Variants in PIERCE2 observed in about 807,000 individuals in gnomAD.
PIERCE2 encodes the protein piercer of microtubule wall 2, also known as piercer of microtubule wall 2 protein.
chr15:55,414,213 T>G, the PIERCE2 span, among the ~76,000 whole-genome samples: 11 of 150,962 alleles, frequency 7.3e-5, no homozygotes, highest in Non-Finnish European at 8.9e-5. Context: ...TTTTTTGTTT[T>G]TTTTTTTTTT....
At chr15:55,418,764 AAGGT>A in the PIERCE2 span, 1 of 476,288 alleles carries the variant, frequency 2.1e-6, no homozygotes, top group Non-Finnish European at 3.6e-6. Context: ...AGCAAAATAA[AAGGT>A]AGAAAGTGTT....
At chr15:55,412,628 G>A in the PIERCE2 span, among the ~76,000 whole-genome samples, 1 of 152,102 alleles carries the variant, frequency 6.6e-6, no homozygotes, top group Non-Finnish European at 1.5e-5. Context: ...CTGAAAGCTG[G>A]ACACTGTGGC....
the PIERCE2 span, chr15:55,411,258 G>C: frequency 6.6e-6 from 1 of 152,148 alleles, no homozygotes; most frequent in East Asian, 1.9e-4. Flanking sequence ...GAGGTCAGGA[G>C]TTTGGGAACA....
At chr15:55,409,290 A>G in the PIERCE2 span, among the ~76,000 whole-genome samples, 4 of 152,050 alleles carry the variant, frequency 2.6e-5, no homozygotes, top group African/African-American at 9.7e-5. Flanking sequence ...CTGTAATCCC[A>G]GCTACTTGGG....
chr15:55,408,725 ATGAAAAC>A, the PIERCE2 span: 1 of 1,478,326 alleles, frequency 6.8e-7, no homozygotes, highest in South Asian at 1.2e-5. Context: ...CATCTGCTGC[ATGAAAAC>A]TGACTTTGCC....
chr15:55,416,325 C>T, the PIERCE2 span, among the ~76,000 whole-genome samples: 1 of 152,082 alleles, frequency 6.6e-6, no homozygotes, highest in Admixed American at 6.6e-5. Context: ...TGGTCTCAAT[C>T]TCTTGACCTC....
chr15:55,412,093 CAAAAAAAAAA>C, the PIERCE2 span, among the ~76,000 whole-genome samples: 2 of 82,066 alleles, frequency 2.4e-5, no homozygotes, highest in African/African-American at 4.8e-5. Context: ...TTTGTCTCCA[CAAAAAAAAAA>C]AAAAAAAAAA....
chr15:55,417,920 C>T, the PIERCE2 span: 1 of 501,836 alleles, frequency 2.0e-6, no homozygotes, highest in Non-Finnish European at 3.5e-6. Flanking sequence ...GGGCAGGGGT[C>T]ACAAGGTGCT....
the PIERCE2 span, among the ~76,000 whole-genome samples, chr15:55,416,379 GT>G: frequency 6.6e-6 from 1 of 152,094 alleles, no homozygotes; most frequent in East Asian, 1.9e-4. Context: ...GGATTTACAG[GT>G]GTGAGCCATT....
the PIERCE2 span, chr15:55,408,831 G>T: frequency 1.4e-6 from 2 of 1,456,450 alleles, no homozygotes; most frequent in Non-Finnish European, 1.8e-6. Context: ...GTTGGTATTC[G>T]CTAGTATAAT....
the PIERCE2 span, chr15:55,417,746 C>T: frequency 3.8e-4 from 68 of 178,456 alleles, no homozygotes; most frequent in Admixed American, 3.2e-3. Flanking sequence ...AAGAGACCAC[C>T]AAACAGGCTT....
chr15:55,413,969 C>G, the PIERCE2 span, among the ~76,000 whole-genome samples: 193 of 150,918 alleles, frequency 1.3e-3, 3 homozygotes, highest in African/African-American at 4.5e-3. Flanking sequence ...AGGATCTCGG[C>G]TCAAGGCAAG....
chr15:55,409,548 C>A, the PIERCE2 span, among the ~76,000 whole-genome samples: 1 of 152,034 alleles, frequency 6.6e-6, no homozygotes, highest in Non-Finnish European at 1.5e-5. Flanking sequence ...GCAAGGAAGA[C>A]GGTGGACCTG....
the PIERCE2 span, among the ~76,000 whole-genome samples, chr15:55,413,392 C>G: frequency 6.6e-6 from 1 of 152,108 alleles, no homozygotes; most frequent in Non-Finnish European, 1.5e-5. Flanking sequence ...CTACTGCACT[C>G]TAGCCTGAGT....
the PIERCE2 span, among the ~76,000 whole-genome samples, chr15:55,416,105 T>A: frequency 6.7e-6 from 1 of 150,336 alleles, no homozygotes; most frequent in African/African-American, 2.5e-5. Context: ...GTTATATATA[T>A]AGAGAGAGAG....
At chr15:55,417,539 T>G in the PIERCE2 span, among the ~76,000 whole-genome samples, 2 of 152,376 alleles carry the variant, frequency 1.3e-5, no homozygotes. Flanking sequence ...TCTTGTTCCT[T>G]TCTCACTCTA....
the PIERCE2 span, chr15:55,418,388 A>G: frequency 6.5e-7 from 1 of 1,535,020 alleles, no homozygotes; most frequent in South Asian, 1.2e-5. Flanking sequence ...GTATAAAACC[A>G]ATTCAAGTCA....
At chr15:55,417,998 C>A in the PIERCE2 span, 2 of 799,236 alleles carry the variant, frequency 2.5e-6, no homozygotes, top group South Asian at 3.9e-5. Flanking sequence ...AGGCAGGAAC[C>A]GGCCATTTTC....
chr15:55,417,781 TC>T, the PIERCE2 span: 31 of 205,220 alleles, frequency 1.5e-4, no homozygotes, highest in Non-Finnish European at 2.8e-4. Context: ...AGCTTTTTAA[TC>T]ACCTGGGTGG....
Sources: allele counts gnomAD v4.1 joint callset (sites outside exome capture counted in the v4.1 genomes callset), GRCh38; gene constraint gnomAD v4.1.1; transcripts MANE v1.5; gene names NCBI Gene and HGNC (gene_info 2026-07-23, HGNC 2026-07-21).